The following RMST variants were observed in gnomAD, a reference collection of about 807,000 sequenced individuals.
RMST encodes the protein rhabdomyosarcoma 2 associated transcript.
At chr12:97,525,051 T>C in intron 10 of RMST, among the ~76,000 whole-genome samples, 1 of 152,186 alleles carries the variant, frequency 6.6e-6, no homozygotes, top group Non-Finnish European at 1.5e-5. Flanking sequence ...GAGCTGCTTT[T>C]CTGAGGACAA....
At chr12:97,553,530 C>T (rs1223891052) in intron 11 of RMST, among the ~76,000 whole-genome samples, 1 of 152,118 alleles carries the variant, frequency 6.6e-6, no homozygotes, top group Admixed American at 6.6e-5. Context: ...GCTCATAGCT[C>T]TAGAAGGTGG....
At chr12:97,496,821 T>C (rs1309969482) in intron 10 of RMST, among the ~76,000 whole-genome samples, 1 of 152,152 alleles carries the variant, frequency 6.6e-6, no homozygotes, top group African/African-American at 2.4e-5. Context: ...TTGGGATGAA[T>C]ATTATCAGTT....
chr12:97,487,184 T>G (rs1876205462), intron 5 of RMST, among the ~76,000 whole-genome samples: 1 of 152,190 alleles, frequency 6.6e-6, no homozygotes, highest in Non-Finnish European at 1.5e-5. Context: ...AAATTTATGA[T>G]CATCAGAATT....
intron 5 of RMST, among the ~76,000 whole-genome samples, chr12:97,475,460 A>C (rs1295905057): frequency 1.3e-5 from 2 of 152,274 alleles, no homozygotes; most frequent in East Asian, 3.9e-4. Flanking sequence ...AAACCAAATT[A>C]GATTAAAATT....
intron 11 of RMST, among the ~76,000 whole-genome samples, chr12:97,538,329 T>C (rs2136612883): frequency 6.6e-6 from 1 of 151,588 alleles, no homozygotes; most frequent in Non-Finnish European, 1.5e-5. Flanking sequence ...CAGCCTTTTT[T>C]GTCTTTGGTT....
chr12:97,551,921 G>A (rs1431263917), intron 11 of RMST: 3 of 152,074 alleles, frequency 2.0e-5, no homozygotes, highest in East Asian at 3.9e-4. Context: ...CTCTTGAGAA[G>A]GACAGCTAGC....
At chr12:97,526,980 G>T (rs571772008) in intron 10 of RMST, among the ~76,000 whole-genome samples, 1 of 152,230 alleles carries the variant, frequency 6.6e-6, no homozygotes, top group African/African-American at 2.4e-5. Flanking sequence ...TTACTAACTT[G>T]CCCAAAGTCC....
intron 11 of RMST, among the ~76,000 whole-genome samples, chr12:97,545,681 A>G (rs1882876801): frequency 6.6e-6 from 1 of 152,096 alleles, no homozygotes; most frequent in South Asian, 2.1e-4. Context: ...GGATAGGGCT[A>G]GGGATATTTG....
chr12:97,544,978 A>G (rs141265437), intron 11 of RMST, among the ~76,000 whole-genome samples: 7 of 152,242 alleles, frequency 4.6e-5, no homozygotes, highest in Non-Finnish European at 7.4e-5. Context: ...ATTAATAGGC[A>G]TCTATTATTT....
chr12:97,563,923 G>A, intron 13 of RMST: 1 of 499,728 alleles, frequency 2.0e-6, no homozygotes, highest in South Asian at 1.5e-5. Flanking sequence ...CAACTAAGAA[G>A]GGGCCATCAG....
At chr12:97,524,818 T>C (rs1190780768) in intron 10 of RMST, among the ~76,000 whole-genome samples, 1 of 152,200 alleles carries the variant, frequency 6.6e-6, no homozygotes, top group Non-Finnish European at 1.5e-5. Flanking sequence ...TCCTATGAAG[T>C]TGTCAATTGA....
chr12:97,490,166 G>A (rs980531158), intron 5 of RMST, among the ~76,000 whole-genome samples: 1 of 152,130 alleles, frequency 6.6e-6, no homozygotes, highest in Non-Finnish European at 1.5e-5. Flanking sequence ...TGAGCCTGGC[G>A]GACGGACAGA....
intron 10 of RMST, among the ~76,000 whole-genome samples, chr12:97,512,328 T>C (rs985441358): frequency 6.6e-6 from 1 of 152,124 alleles, no homozygotes; most frequent in African/African-American, 2.4e-5. Flanking sequence ...GCAAGATTTA[T>C]TGCAAAGAGA....
At chr12:97,477,441 G>T (rs767412895) in intron 5 of RMST, among the ~76,000 whole-genome samples, 23 of 152,204 alleles carry the variant, frequency 1.5e-4, no homozygotes, top group Non-Finnish European at 2.9e-4. Context: ...ACAGATCCAG[G>T]ACTGAAACTA....
intron 5 of RMST, among the ~76,000 whole-genome samples, chr12:97,486,766 T>A (rs1455620948): frequency 1.3e-5 from 2 of 152,208 alleles, no homozygotes; most frequent in Non-Finnish European, 2.9e-5. Context: ...CCAGAAATGA[T>A]CATTCTTTAA....
intron 10 of RMST, among the ~76,000 whole-genome samples, chr12:97,498,079 C>A (rs1213958741): frequency 6.6e-6 from 1 of 152,154 alleles, no homozygotes; most frequent in Admixed American, 6.6e-5. Context: ...GGAACAAGGA[C>A]TCCTTGGGTC....
chr12:97,523,094 C>T (rs992689671), intron 10 of RMST, among the ~76,000 whole-genome samples: 2 of 151,958 alleles, frequency 1.3e-5, no homozygotes, highest in Admixed American at 6.6e-5. Context: ...TTCAGGTAGT[C>T]GTATAAGAAA....
intron 9 of RMST, among the ~76,000 whole-genome samples, chr12:97,495,527 C>G (rs775724835): frequency 1.3e-5 from 2 of 152,092 alleles, no homozygotes; most frequent in Non-Finnish European, 2.9e-5. Flanking sequence ...AATGGAGGCA[C>G]TGTCTTCAAG....
intron 10 of RMST, among the ~76,000 whole-genome samples, chr12:97,500,705 C>G (rs187844995): frequency 1.2e-3 from 179 of 152,284 alleles, no homozygotes; most frequent in African/African-American, 3.5e-3. Flanking sequence ...CATTGGGACA[C>G]AGAGTGTTTA....
Sources: allele counts gnomAD v4.1 joint callset (sites outside exome capture counted in the v4.1 genomes callset), GRCh38; gene constraint gnomAD v4.1.1; transcripts MANE v1.5; gene names NCBI Gene and HGNC (gene_info 2026-07-23, HGNC 2026-07-21).